Variants in ZNF831 observed in about 807,000 individuals in gnomAD.
ZNF831 encodes the protein chromosome 20 open reading frame 174.
In ZNF831, 59 loss-of-function variants were observed where a neutral mutation model predicts 95.8. The ratio of observed to expected loss-of-function variants is 0.62; its 90% confidence interval spans 0.50 to 0.77. The LOEUF is 0.77. ZNF831 is among the 30% of genes least tolerant of loss of function. ZNF831 has a pLI of 0.00. For missense variants in ZNF831, 2,205 were observed against 2,164.0 expected (o/e 1.02, Z -0.38); for synonymous variants, 961 against 925.5 (o/e 1.04, Z -0.70).
Position 59,192,594 on chromosome 20 carries a change from C to T in ZNF831, c.1575C>T (p.Pro525=), listed in dbSNP as rs2146568190. ...TWLEPREPRD[P]WSRTQKPLSP... ...TGGAGCCCAGGGAGCCCCGGGACCC[C>T]TGGTCCAGGACGCAGAAGCCTCTGA... is the stretch of plus-strand genomic sequence containing the variant. The change falls in exon 2 of 6, where the codon CCC becomes CCT. Residue 525 remains proline, a synonymous_variant. Transcript: ENST00000371030. The surrounding 1 kb of genome is among the most constrained non-coding windows in gnomAD (Gnocchi z 5.2). The T allele has an allele frequency of 1.3e-6, 2 of 1,510,008 alleles. No individual in the cohort carries two copies. The highest frequency in any genetic ancestry group is 1.8e-6 in the Non-Finnish European group (2 of 1,132,980). The allele number at this position is 1,510,008 out of a possible 1,614,324, so 93.5% of individuals were successfully genotyped here. A position where few individuals can be genotyped will look rare whatever the true frequency, so the allele number is the denominator to read the frequency against.
In ZNF831 at chr20:59,208,606, G is replaced by A. The variant is rs1364964158; in HGVS notation, c.4027+1550G>A. Among the ~76,000 whole-genome samples, 1 of 152,174 alleles carries A rather than the reference G, an allele frequency of 6.6e-6. No individual in the cohort carries two copies. Among genetic ancestry groups the A allele is most frequent in the Non-Finnish European group, 1.5e-5 (1 of 68,030 alleles). ...ATTGTGCACAGAATTGTGTGTGTGT[G>A]GGTGACTTCCAGAGGCATGGGAACT... On this transcript the variant is annotated intron_variant, in intron 4 of 5. Coordinates refer to ENST00000371030, the MANE Select transcript of ZNF831 (RefSeq NM_178457.3). This position sits in a 1 kb window ranked among gnomAD's most constrained non-coding sequence, Gnocchi z 4.2.
intron 1 of ZNF831, among the ~76,000 whole-genome samples, chr20:59,186,415 T>C (rs866642698): frequency 4.6e-5 from 7 of 152,306 alleles, no homozygotes; most frequent in Middle Eastern, 3.4e-3. Context: ...CAAAATATTA[T>C]GGCGTATAAT....
At chr20:59,180,091 T>C (rs1262848081) in intron 1 of ZNF831, among the ~76,000 whole-genome samples, 1 of 152,174 alleles carries the variant, frequency 6.6e-6, no homozygotes, top group Non-Finnish European at 1.5e-5. Context: ...GACGATCATT[T>C]TATTTTATTT....
chr20:59,123,743 T>C (rs1352889504), intron 1 of ZNF831, among the ~76,000 whole-genome samples: 3 of 152,240 alleles, frequency 2.0e-5, no homozygotes, highest in African/African-American at 7.2e-5. Flanking sequence ...GGCTACCCAT[T>C]AATTCCCAGG....
intron 1 of ZNF831, among the ~76,000 whole-genome samples, chr20:59,165,356 G>A (rs1981176240): frequency 6.6e-6 from 1 of 152,174 alleles, no homozygotes; most frequent in African/African-American, 2.4e-5. Flanking sequence ...AGTGGGGCAG[G>A]AACAGACACA....
intron 4 of ZNF831, among the ~76,000 whole-genome samples, chr20:59,250,316 C>A (rs1987821941): frequency 6.6e-6 from 1 of 152,162 alleles, no homozygotes; most frequent in Non-Finnish European, 1.5e-5. Context: ...AGAATGCCGG[C>A]AGCCTGGCTT....
intron 1 of ZNF831, among the ~76,000 whole-genome samples, chr20:59,134,330 C>T (rs1979439645): frequency 6.6e-6 from 1 of 152,168 alleles, no homozygotes; most frequent in South Asian, 2.1e-4. Context: ...GTCTGTATTT[C>T]CTTATGGGGA....
chr20:59,247,084 CAAAG>C (rs1247598768), intron 4 of ZNF831, among the ~76,000 whole-genome samples: 1 of 152,158 alleles, frequency 6.6e-6, no homozygotes, highest in Non-Finnish European at 1.5e-5. Context: ...AATTTACTGT[CAAAG>C]AAACTTTAGC....
At chr20:59,205,738 T>C (rs905715151) in intron 3 of ZNF831, among the ~76,000 whole-genome samples, 10 of 152,212 alleles carry the variant, frequency 6.6e-5, no homozygotes, top group African/African-American at 2.2e-4. Context: ...AGGGATTACT[T>C]GTGGCTTGAC....
Position 59,258,314 on chromosome 20 carries a change from A to C in ZNF831, c.*3571A>C, listed in dbSNP as rs1988272168. On this transcript the variant is annotated 3_prime_UTR_variant, in exon 6 of 6. Transcript: ENST00000371030. The stretch of plus-strand genomic sequence containing the variant: ...GCTGAGACCGGAAGAGGAACCTTGC[A>C]GAAGTGCACTGTGACCACAGTTCTT... The C allele has an allele frequency of 6.6e-6, 1 of 152,668 alleles. No individual in the cohort carries two copies. The highest frequency in any genetic ancestry group is 1.5e-5 in the Non-Finnish European group (1 of 68,044). The allele number at this position is 152,668 out of a possible 1,614,324, so 9.5% of individuals were successfully genotyped here.
rs146960408 is a variant in ZNF831, at chr20:59,251,065, A to C, written c.4028-1913A>C. 8.7e-3 allele frequency among the ~76,000 whole-genome samples: 1,325 copies of C among 152,262 alleles called. 25 individuals carry two copies. The highest frequency in any genetic ancestry group is 0.031 in the African/African-American group (1,269 of 41,554). On this transcript the variant is annotated intron_variant, in intron 4 of 5. Coordinates refer to ENST00000371030, the MANE Select transcript of ZNF831 (RefSeq NM_178457.3). ...TGCTGAGAGTATAAGTGTTCTTGCC[A>C]AAAAAAGATAAGCCTATGGGCTAAT...
At chr20:59,130,037 A>G (rs1448721125) in intron 1 of ZNF831, among the ~76,000 whole-genome samples, 1 of 152,192 alleles carries the variant, frequency 6.6e-6, no homozygotes, top group Non-Finnish European at 1.5e-5. Context: ...GTGTGGTTAG[A>G]GCAGAAATGA....
intron 1 of ZNF831, among the ~76,000 whole-genome samples, chr20:59,145,203 A>C (rs992469823): frequency 6.6e-6 from 1 of 152,168 alleles, no homozygotes; most frequent in Non-Finnish European, 1.5e-5. Flanking sequence ...CCCTTTCCCC[A>C]CATGTATCCT....
intron 1 of ZNF831, among the ~76,000 whole-genome samples, chr20:59,130,668 T>C (rs1225582034): frequency 3.9e-5 from 6 of 152,168 alleles, no homozygotes; most frequent in Non-Finnish European, 7.4e-5. Context: ...CTGCTGGTAA[T>C]GTGATTAATC....
chr20:59,149,332 T>C (rs573498177), intron 2 of ZNF831, among the ~76,000 whole-genome samples: 63 of 152,254 alleles, frequency 4.1e-4, no homozygotes, highest in African/African-American at 1.5e-3. Flanking sequence ...AAACTTCCAA[T>C]TAAAGAAGAT....
chr20:59,233,264 G>T (rs1986835702), intron 4 of ZNF831, among the ~76,000 whole-genome samples: 1 of 152,114 alleles, frequency 6.6e-6, no homozygotes, highest in Non-Finnish European at 1.5e-5. Context: ...TTCCCATTCA[G>T]TACTGGGCAC....
chr20:59,141,986 A>G (rs866734907), intron 1 of ZNF831, among the ~76,000 whole-genome samples: 4 of 152,100 alleles, frequency 2.6e-5, no homozygotes, highest in African/African-American at 7.2e-5. Flanking sequence ...GTCTGGGGAA[A>G]CTCACATGGC....
At chr20:59,228,151 T>C (rs1393488375) in intron 4 of ZNF831, among the ~76,000 whole-genome samples, 1 of 152,174 alleles carries the variant, frequency 6.6e-6, no homozygotes, top group Non-Finnish European at 1.5e-5. Flanking sequence ...TTACCTGTGA[T>C]GTAAGTTAGA....
chr20:59,174,130 A>G (rs1981956651), intron 1 of ZNF831, among the ~76,000 whole-genome samples: 1 of 152,126 alleles, frequency 6.6e-6, no homozygotes, highest in Non-Finnish European at 1.5e-5. Flanking sequence ...GCAGGACAGA[A>G]GGCTTTGGAG....
Sources: gnomAD v4.1 joint callset for allele counts (sites outside exome capture counted in the v4.1 genomes callset) on GRCh38, gnomAD v4.1.1 for gene constraint, Gnocchi (gnomAD v3.1) non-coding constraint, MANE v1.5 for transcripts, NCBI Gene and HGNC (gene_info 2026-07-23, HGNC 2026-07-21) for gene names.